The following IL1RAPL1 variants were observed in gnomAD, a reference collection of about 807,000 sequenced individuals.
IL1RAPL1 encodes interleukin-1 receptor accessory protein-like 1.
IL1RAPL1 carries 3 observed loss-of-function variants against 48.4 expected under a neutral mutation model. The ratio of observed to expected loss-of-function variants is 0.06; its 90% CI spans 0.03 to 0.16. The LOEUF (loss-of-function observed/expected upper bound fraction) is 0.16, where lower values mean the gene tolerates loss of function less well. Ranked by LOEUF, IL1RAPL1 falls within the 10% of genes least tolerant of loss-of-function variation. The pLI, the probability that IL1RAPL1 is intolerant of heterozygous loss-of-function variation, is 1.00. For synonymous variants in IL1RAPL1, 185 were observed against 187.7 expected (o/e 0.99, Z 0.12); for missense variants, 349 against 530.6 (o/e 0.66, Z 3.36).
chrX:29,662,799 T>C lies in IL1RAPL1; in HGVS notation c.704-5631T>C, dbSNP rs907572586. Among the ~76,000 whole-genome samples the C allele has an allele frequency of 5.4e-5, 6 of 111,635 alleles. No homozygotes were observed. In the Admixed American group the frequency reaches 5.7e-4, roughly 11 times the overall value. On this transcript the variant is annotated intron_variant, in intron 5 of 10. Coordinates refer to ENST00000378993, the MANE Select transcript of IL1RAPL1 (RefSeq NM_014271.4). ...TACCTTGTATATGTTGTTAGTTTAG[T>C]CATCAACTGACCTCCCCGCACCTTT... is the stretch of plus-strand genomic sequence containing the variant.
chrX:28,887,645 A>T lies in IL1RAPL1; in HGVS notation c.82+98220A>T, dbSNP rs139670849. ...ATATAGCTGTCTATCCCCAAGCAAT[A>T]TATAGTATTGTTTTACAGTTTTTAA... On this transcript the variant is annotated intron_variant, in intron 2 of 10. Coordinates refer to ENST00000378993, the MANE Select transcript of IL1RAPL1 (RefSeq NM_014271.4). Among the ~76,000 whole-genome samples, 693 of 111,705 alleles carry T rather than the reference A, an allele frequency of 6.2e-3. 3 individuals carry two copies. Among genetic ancestry groups the T allele is most frequent in the African/African-American group, 0.021 (658 of 30,756 alleles).
chrX:28,844,000 A>G (rs1921442665), intron 2 of IL1RAPL1, among the ~76,000 whole-genome samples: 1 of 109,557 alleles, frequency 9.1e-6, no homozygotes, highest in Non-Finnish European at 1.9e-5. Flanking sequence ...TGCTTTCGCT[A>G]TTGAGCTCCC....
chrX:28,672,579 T>C (rs1382335066), intron 1 of IL1RAPL1, among the ~76,000 whole-genome samples: 1 of 111,028 alleles, frequency 9.0e-6, no homozygotes, highest in Non-Finnish European at 1.9e-5. Flanking sequence ...CCTGGCACCC[T>C]ATCTAACTTC....
At chrX:29,927,828 T>C (rs1482864309) in intron 8 of IL1RAPL1, among the ~76,000 whole-genome samples, 1 of 100,599 alleles carries the variant, frequency 9.9e-6, no homozygotes, top group East Asian at 3.0e-4. Context: ...TAAGAAAGGA[T>C]GGAAATGGTA....
At chrX:29,477,669 TATAGA>T (rs930109937) in intron 5 of IL1RAPL1, among the ~76,000 whole-genome samples, 3 of 112,032 alleles carry the variant, frequency 2.7e-5, no homozygotes, top group Non-Finnish European at 3.8e-5. Flanking sequence ...ATCCCCATTT[TATAGA>T]AGAGAAACTT....
At chrX:29,711,069 T>G (rs201203729) in intron 6 of IL1RAPL1, among the ~76,000 whole-genome samples, 16 of 86,449 alleles carry the variant, frequency 1.9e-4, no homozygotes, top group Non-Finnish European at 3.3e-4. Context: ...TGTGTGTGTA[T>G]ACACACACAC....
intron 6 of IL1RAPL1, among the ~76,000 whole-genome samples, chrX:29,832,120 C>G (rs1196373383): frequency 8.9e-6 from 1 of 111,814 alleles, no homozygotes; most frequent in Non-Finnish European, 1.9e-5. Flanking sequence ...AAATGCTATT[C>G]TACTTCTATT....
intron 2 of IL1RAPL1, among the ~76,000 whole-genome samples, chrX:29,203,739 A>G (rs1162212864): frequency 3.2e-5 from 3 of 92,691 alleles, no homozygotes; most frequent in Non-Finnish European, 6.0e-5. Context: ...ATATATATAT[A>G]TATATATATA....
chrX:29,434,292 C>G (rs186622344), intron 5 of IL1RAPL1, among the ~76,000 whole-genome samples: 21 of 109,719 alleles, frequency 1.9e-4, no homozygotes, highest in East Asian at 1.7e-3. Flanking sequence ...ATCTTTATCT[C>G]TTTTGTAAAA....
chrX:29,017,940 G>A (rs745799106), intron 2 of IL1RAPL1, among the ~76,000 whole-genome samples: 167 of 111,622 alleles, frequency 1.5e-3, no homozygotes, highest in African/African-American at 5.3e-3. Flanking sequence ...GACTGTCACT[G>A]TTTTTCAGTT....
intron 2 of IL1RAPL1, among the ~76,000 whole-genome samples, chrX:29,021,215 GAAAA>G (rs746008500): frequency 3.1e-3 from 132 of 41,934 alleles, no homozygotes; most frequent in Middle Eastern, 0.025. Flanking sequence ...CCGTCTCAAG[GAAAA>G]AAAAAAAAAA....
rs113195947 is a variant in IL1RAPL1, at chrX:29,023,916, A to G, written c.82+234491A>G. On this transcript the variant is annotated intron_variant, in intron 2 of 10. Transcript: ENST00000378993. ...TATACCTTGTTTATCTAGCATAGTT[A>G]CCCTCAATGAATTAGCAAATCAGAA... is the stretch of plus-strand genomic sequence containing the variant. 5.2e-3 allele frequency among the ~76,000 whole-genome samples: 585 copies of G among 111,849 alleles called. 3 individuals are homozygous for G. Among genetic ancestry groups the G allele is most frequent in the African/African-American group, 0.018 (564 of 30,862 alleles).
intron 1 of IL1RAPL1, among the ~76,000 whole-genome samples, chrX:28,638,836 TAAAAAGG>T: frequency 9.0e-6 from 1 of 111,196 alleles, no homozygotes; most frequent in Non-Finnish European, 1.9e-5. Flanking sequence ...ACATGCACAC[TAAAAAGG>T]GTCCTCCAGG....
chrX:29,692,439 T>C (rs1926799368), intron 6 of IL1RAPL1, among the ~76,000 whole-genome samples: 1 of 112,026 alleles, frequency 8.9e-6, no homozygotes, highest in Non-Finnish European at 1.9e-5. Flanking sequence ...CCACTTATAG[T>C]AAATTTCCAT....
chrX:28,600,689 T>A (rs1934014125), intron 1 of IL1RAPL1, among the ~76,000 whole-genome samples: 1 of 111,456 alleles, frequency 9.0e-6, no homozygotes, highest in African/African-American at 3.3e-5. Context: ...GAATGTAGAT[T>A]TACTGGTACA....
At chrX:29,440,170 C>T (rs1426250037) in intron 5 of IL1RAPL1, among the ~76,000 whole-genome samples, 1 of 109,422 alleles carries the variant, frequency 9.1e-6, no homozygotes, top group Non-Finnish European at 1.9e-5. Flanking sequence ...TTTTGCAGGT[C>T]ACAACTTGAA....
intron 1 of IL1RAPL1, among the ~76,000 whole-genome samples, chrX:28,629,633 G>A (rs1274966888): frequency 8.9e-6 from 1 of 112,175 alleles, no homozygotes; most frequent in African/African-American, 3.2e-5. Flanking sequence ...AAGAGCTAAA[G>A]ATGGTAGATG....
At chrX:29,639,067 T>C (rs1925072392) in intron 5 of IL1RAPL1, among the ~76,000 whole-genome samples, 1 of 108,529 alleles carries the variant, frequency 9.2e-6, no homozygotes, top group African/African-American at 3.4e-5. Context: ...GCGCCTGTAG[T>C]CCCAGCTACT....
chrX:29,862,660 AT>A (rs756244836), intron 6 of IL1RAPL1, among the ~76,000 whole-genome samples: 1 of 109,180 alleles, frequency 9.2e-6, no homozygotes. Flanking sequence ...TTTTATTATT[AT>A]TTTTTTTCTT....
Sources: gnomAD v4.1 joint callset for allele counts (sites outside exome capture counted in the v4.1 genomes callset) on GRCh38, gnomAD v4.1.1 for gene constraint, MANE v1.5 for transcripts, NCBI Gene and HGNC (gene_info 2026-07-23, HGNC 2026-07-21) for gene names.